Variants in CERS5 observed in about 807,000 individuals in gnomAD.
CERS5 encodes LAG1 homolog, ceramide synthase 5.
In CERS5, 37 loss-of-function variants were observed where a neutral mutation model predicts 58.9. That is an observed-to-expected ratio of 0.63 (90% CI 0.48 to 0.83). The LOEUF (loss-of-function observed/expected upper bound fraction) is 0.83. Ranked by LOEUF, CERS5 falls within the 40% of genes least tolerant of loss-of-function variation. CERS5 has a pLI of 0.00. For missense variants in CERS5, 398 were observed against 489.3 expected, an observed-to-expected ratio of 0.81 and a Z score of 1.76; for synonymous variants, 147 against 177.8, an observed-to-expected ratio of 0.83 and a Z score of 1.38.
At chr12:50,143,676 A>G (rs1235880450) in intron 2 of CERS5, 1 of 360,660 alleles carries the variant, frequency 2.8e-6, no homozygotes, top group African/African-American at 2.0e-5. Flanking sequence ...ACAAGGAAAA[A>G]CAAAAACCAG....
chr12:50,160,343 GAAAT>G (rs1331975673), intron 1 of CERS5, among the ~76,000 whole-genome samples: 1 of 151,394 alleles, frequency 6.6e-6, no homozygotes, highest in Admixed American at 6.6e-5. Flanking sequence ...AAGAAAAAAG[GAAAT>G]AAATGGAAAC....
At chr12:50,130,771 G>GAA in intron 9 of CERS5, 77 bp from the exon 10 acceptor site, 2 of 1,362,016 alleles carry the variant, frequency 1.5e-6, no homozygotes, top group Non-Finnish European at 2.0e-6. Context: ...CCAGGTGTGG[G>GAA]CACTGTGTTC....
chr12:50,134,333 C>T, intron 9 of CERS5: 1 of 1,291,698 alleles, frequency 7.7e-7, no homozygotes, highest in Non-Finnish European at 1.0e-6. Flanking sequence ...ATGATCATGC[C>T]ACTGAACTCC....
intron 1 of CERS5, among the ~76,000 whole-genome samples, chr12:50,159,047 C>T (rs1417868905): frequency 6.6e-6 from 1 of 152,024 alleles, no homozygotes; most frequent in South Asian, 2.1e-4. Context: ...AGCGGCCGGG[C>T]GCGGTGGCTC....
chr12:50,162,584 T>C (rs1358978601), intron 1 of CERS5, among the ~76,000 whole-genome samples: 1 of 151,792 alleles, frequency 6.6e-6, no homozygotes, highest in Non-Finnish European at 1.5e-5. Context: ...ATTGTCCCAA[T>C]ATACCTCTTT....
intron 9 of CERS5, chr12:50,133,028 GGA>G (rs1160794272): frequency 7.8e-7 from 1 of 1,289,122 alleles, no homozygotes; most frequent in Admixed American, 2.3e-5. Flanking sequence ...AGGAAAGAGT[GGA>G]GAGTACAGGG....
Position 50,155,693 on chromosome 12 carries a change from C to T in CERS5, c.197+11408G>A, listed in dbSNP as rs558964201. 1.0e-3 allele frequency among the ~76,000 whole-genome samples: 140 copies of T among 138,900 alleles called. 1 individual carries two copies. In the Admixed American group the frequency reaches 0.011, roughly 10 times the overall value. 91.1% of individuals were successfully genotyped at this position (138,900 alleles called of 152,430 possible). On this transcript the variant is annotated intron_variant, in intron 1 of 9. Coordinates refer to ENST00000317551, the MANE Select transcript of CERS5 (RefSeq NM_147190.5). ...CAGAGCTTGCAGTGAGCCGAGATTG[C>T]GCCACTGCACTCCAGCCTGGGCGAC...
intron 1 of CERS5, chr12:50,164,910 A>T (rs1254953795): frequency 1.3e-5 from 2 of 152,330 alleles, no homozygotes; most frequent in East Asian, 3.9e-4. Flanking sequence ...TATGAAAAGC[A>T]GAGATGTTTT....
chr12:50,163,723 G>A (rs1017177512), intron 1 of CERS5, among the ~76,000 whole-genome samples: 2 of 152,024 alleles, frequency 1.3e-5, no homozygotes, highest in East Asian at 3.9e-4. Context: ...ACGGCTCACT[G>A]CAGTCTCAAC....
At chr12:50,142,487 T>C (rs1442379300) in intron 3 of CERS5, among the ~76,000 whole-genome samples, 3 of 148,784 alleles carry the variant, frequency 2.0e-5, no homozygotes, top group Non-Finnish European at 3.0e-5. Flanking sequence ...GAGGCGGAGG[T>C]TGCAGTGAGC....
chr12:50,135,308 AGTGTGTGTGTGTGTGTGTGTGTGTGTGT>A (rs56858635), intron 8 of CERS5: 2 of 168,928 alleles, frequency 1.2e-5, no homozygotes, highest in South Asian at 5.4e-5. Flanking sequence ...GAGAGAGAGG[AGTGTGTGTGTGTGTGTGTGTGTGTGTGT>A]GTGTGTGTGT....
chr12:50,158,137 A>G (rs1014004449), intron 1 of CERS5, among the ~76,000 whole-genome samples: 4 of 152,108 alleles, frequency 2.6e-5, no homozygotes, highest in African/African-American at 9.7e-5. Flanking sequence ...TATTTTTGTA[A>G]ATCCAATCAT....
At chr12:50,133,490 A>G in intron 9 of CERS5, 1 of 991,036 alleles carries the variant, frequency 1.0e-6, no homozygotes, top group African/African-American at 1.7e-5. Context: ...CTTGAATATC[A>G]CAGCATGGTC....
At chr12:50,137,877 C>T in intron 5 of CERS5, 57 bp from the exon 6 acceptor site, 1 of 1,128,856 alleles carries the variant, frequency 8.9e-7, no homozygotes. Flanking sequence ...CATTCCATCT[C>T]TCCAACTTTC....
chr12:50,136,725 G>C (rs906372693), intron 6 of CERS5, among the ~76,000 whole-genome samples: 6 of 152,146 alleles, frequency 3.9e-5, no homozygotes, highest in African/African-American at 1.4e-4. Flanking sequence ...CTGCTTTAAT[G>C]AGAGAAACGT....
chr12:50,134,071 G>GAAAA (rs57888855), intron 9 of CERS5: 2,688 of 79,592 alleles, frequency 0.034, 296 homozygotes, highest in African/African-American at 0.15. Flanking sequence ...GATTCCATCT[G>GAAAA]AAAAAAAAAA....
In CERS5 at chr12:50,166,080, T is replaced by C; in HGVS notation, c.197+1021A>G. 16 of 350,044 alleles carry C rather than the reference T, an allele frequency of 4.6e-5. 1 individual carries two copies. Among genetic ancestry groups the C allele is most frequent in the South Asian group, 2.3e-4 (11 of 47,772 alleles). 21.7% of individuals were successfully genotyped at this position (350,044 alleles called of 1,614,324 possible). On this transcript the variant is annotated intron_variant, in intron 1 of 9. Coordinates refer to ENST00000317551, the MANE Select transcript of CERS5 (RefSeq NM_147190.5). ...GCTCACGCCTGTAATCCCAGCACTT[T>C]GGGAGGCAGAGGCGGGCGGATCACT... is the stretch of plus-strand genomic sequence containing the variant.
chr12:50,150,014 T>C (rs1267414493), intron 1 of CERS5, among the ~76,000 whole-genome samples: 2 of 152,212 alleles, frequency 1.3e-5, no homozygotes. Context: ...AGTGCTGGGA[T>C]TACAGGCGTG....
intron 6 of CERS5, 116 bp from the exon 7 acceptor site, chr12:50,136,185 TC>T: frequency 1.0e-6 from 1 of 990,468 alleles, no homozygotes; most frequent in Non-Finnish European, 1.4e-6. Flanking sequence ...TAGAATAGTT[TC>T]CATTGGCCGG....
Sources: gnomAD v4.1 joint callset for allele counts (sites outside exome capture counted in the v4.1 genomes callset) on GRCh38, gnomAD v4.1.1 for gene constraint, MANE v1.5 for transcripts, NCBI Gene and HGNC (gene_info 2026-07-23, HGNC 2026-07-21) for gene names.